Variants in MAGI1 observed in about 807,000 individuals in gnomAD.
MAGI1 encodes the protein membrane-associated guanylate kinase, WW and PDZ domain-containing protein 1.
In MAGI1, 58 loss-of-function variants were observed where a neutral mutation model predicts 139.9. The observed-to-expected ratio is 0.41, with a 90% CI of 0.34 to 0.52. The LOEUF (loss-of-function observed/expected upper bound fraction) is 0.52. MAGI1 is among the 20% of genes least tolerant of loss of function. The pLI, the probability that MAGI1 is intolerant of heterozygous loss-of-function variation, is 0.12. For synonymous variants in MAGI1, 812 were observed against 737.9 expected, an observed-to-expected ratio of 1.10 and a Z score of -1.63; for missense variants, 1,874 against 1,901.6, an observed-to-expected ratio of 0.99 and a Z score of 0.27.
intron 12 of MAGI1, among the ~76,000 whole-genome samples, chr3:65,415,203 G>T (rs1340196793): frequency 6.6e-6 from 1 of 151,956 alleles, no homozygotes; most frequent in Non-Finnish European, 1.5e-5. Context: ...TTCCTTCCAG[G>T]CTCTTCCTTT....
chr3:65,474,122 G>A (rs796391020), intron 4 of MAGI1, among the ~76,000 whole-genome samples: 38 of 152,188 alleles, frequency 2.5e-4, no homozygotes, highest in African/African-American at 8.7e-4. Flanking sequence ...AAAATTAGCC[G>A]GGTGTAGTGG....
intron 4 of MAGI1, among the ~76,000 whole-genome samples, chr3:65,470,890 A>G (rs901794776): frequency 2.0e-5 from 3 of 152,214 alleles, no homozygotes; most frequent in African/African-American, 4.8e-5. Flanking sequence ...TTGGGCACAA[A>G]AAAGTATCCA....
intron 2 of MAGI1, among the ~76,000 whole-genome samples, chr3:65,595,706 C>G (rs2082159541): frequency 6.6e-6 from 1 of 151,926 alleles, no homozygotes; most frequent in Non-Finnish European, 1.5e-5. Context: ...AACACCAAAC[C>G]TCAAGCATCT....
intron 1 of MAGI1, among the ~76,000 whole-genome samples, chr3:65,798,304 A>AAAACAAAC (rs549833908): frequency 5.3e-5 from 8 of 151,452 alleles, no homozygotes; most frequent in African/African-American, 7.3e-5. Flanking sequence ...ACTCCATCTC[A>AAAACAAAC]AAACAAACAA....
chr3:65,559,293 T>C (rs1222532555), intron 2 of MAGI1, among the ~76,000 whole-genome samples: 2 of 152,216 alleles, frequency 1.3e-5, no homozygotes, highest in African/African-American at 2.4e-5. Flanking sequence ...AACAGTTTTC[T>C]TAGCCAGTCT....
At chr3:65,688,144 C>CT in intron 1 of MAGI1, 2 of 758,652 alleles carry the variant, frequency 2.6e-6, no homozygotes, top group Non-Finnish European at 2.3e-6. Flanking sequence ...CTGTTCCTGC[C>CT]AGGGTCCATG....
chr3:65,450,703 G>C (rs372461945), intron 6 of MAGI1, among the ~76,000 whole-genome samples: 1 of 152,242 alleles, frequency 6.6e-6, no homozygotes, highest in East Asian at 1.9e-4. Flanking sequence ...GTGACAGAAG[G>C]AGTCATTCAC....
intron 3 of MAGI1, among the ~76,000 whole-genome samples, chr3:65,483,375 TA>T (rs556684740): frequency 2.0e-5 from 3 of 152,234 alleles, no homozygotes; most frequent in Non-Finnish European, 2.9e-5. Context: ...TTCATGACTC[TA>T]ACCTTCCAGA....
At chr3:65,729,001 T>G (rs1307799000) in intron 1 of MAGI1, among the ~76,000 whole-genome samples, 1 of 152,050 alleles carries the variant, frequency 6.6e-6, no homozygotes, top group Non-Finnish European at 1.5e-5. Flanking sequence ...CTGACTAATT[T>G]TGATCTGATT....
intron 1 of MAGI1, among the ~76,000 whole-genome samples, chr3:65,904,562 A>G (rs2061362520): frequency 6.6e-6 from 1 of 152,076 alleles, no homozygotes; most frequent in Admixed American, 6.5e-5. Flanking sequence ...CAACACTCCA[A>G]GCTCTGCCCA....
At position 65,356,737 on chromosome 3, in the gene MAGI1, C is replaced by A; in HGVS notation, c.4030G>T (p.Glu1344Ter). 6.3e-7 allele frequency: 1 copy of A among 1,595,962 alleles called. No individual in the cohort carries two copies. The highest frequency in any genetic ancestry group is 8.5e-7 in the Non-Finnish European group (1 of 1,171,704). ...DNTLERREKH[E>*]KRRDVSPERR... ...TCCGGAGAGACGTCTCGTCTCTTCT[C>A]GTGCTTCTCCCTCCTCTCCAAAGTG... is the stretch of plus-strand genomic sequence containing the variant. The change falls in exon 23 of 23, where the codon GAG becomes TAG. Residue 1344 changes from glutamate to a stop codon, truncating the protein, a stop_gained. Transcript: ENST00000402939. LOFTEE classifies it low-confidence loss of function (END_TRUNC).
chr3:65,776,094 G>T (rs1164343278), intron 1 of MAGI1, among the ~76,000 whole-genome samples: 1 of 151,922 alleles, frequency 6.6e-6, no homozygotes, highest in African/African-American at 2.4e-5. Context: ...ATTTTTTGTT[G>T]TCCTTCCTAC....
chr3:65,812,884 AT>A (rs1194271927), intron 1 of MAGI1, among the ~76,000 whole-genome samples: 2 of 150,976 alleles, frequency 1.3e-5, no homozygotes, highest in East Asian at 3.9e-4. Flanking sequence ...TAATTTTTGT[AT>A]TTTTTAGCAG....
At chr3:65,554,987 G>A (rs2080017336) in intron 2 of MAGI1, among the ~76,000 whole-genome samples, 1 of 152,206 alleles carries the variant, frequency 6.6e-6, no homozygotes, top group South Asian at 2.1e-4. Context: ...CATGTTAATA[G>A]TACATGGATT....
intron 16 of MAGI1, among the ~76,000 whole-genome samples, chr3:65,380,556 T>G (rs1229024344): frequency 6.6e-6 from 1 of 152,182 alleles, no homozygotes; most frequent in Non-Finnish European, 1.5e-5. Context: ...GCTTTCTATC[T>G]CTATAAATTT....
chr3:65,983,434 T>C (rs2065695503), intron 1 of MAGI1, among the ~76,000 whole-genome samples: 1 of 152,176 alleles, frequency 6.6e-6, no homozygotes, highest in South Asian at 2.1e-4. Flanking sequence ...CTGGTGAGCA[T>C]TTCAACTCTG....
chr3:65,652,565 A>G (rs2085645859), intron 1 of MAGI1, among the ~76,000 whole-genome samples: 1 of 152,170 alleles, frequency 6.6e-6, no homozygotes, highest in Non-Finnish European at 1.5e-5. Context: ...AATCACCCTC[A>G]GTTGAGAGCT....
intron 1 of MAGI1, chr3:65,844,441 G>A (rs1325342853): frequency 2.7e-5 from 9 of 338,310 alleles, no homozygotes; most frequent in Non-Finnish European, 4.5e-5. Flanking sequence ...TATGGCACAA[G>A]AATAAATTTG....
chr3:65,414,927 G>T (rs1024329448), intron 12 of MAGI1, among the ~76,000 whole-genome samples: 2 of 150,192 alleles, frequency 1.3e-5, no homozygotes, highest in Non-Finnish European at 3.0e-5. Flanking sequence ...TACTCGGGAG[G>T]CTGAGGCAAG....
Sources: gnomAD v4.1 joint callset for allele counts (sites outside exome capture counted in the v4.1 genomes callset) on GRCh38, gnomAD v4.1.1 for gene constraint, MANE v1.5 for transcripts, NCBI Gene and HGNC (gene_info 2026-07-23, HGNC 2026-07-21) for gene names.